The following PHKB variants were observed in gnomAD, a reference collection of about 807,000 sequenced individuals.
The protein encoded by PHKB is phosphorylase kinase regulatory subunit beta, also known as phosphorylase b kinase regulatory subunit beta.
Under a neutral mutation model 152.1 loss-of-function variants are expected in PHKB, and 122 were observed. The observed-to-expected ratio is 0.80, with a 90% CI of 0.69 to 0.93. The LOEUF is 0.93. Among genes scored for constraint, PHKB ranks in the 40% least tolerant of loss-of-function variants. The pLI is 0.00. For missense variants in PHKB, 1,304 were observed against 1,328.4 expected (o/e 0.98, Z 0.29); for synonymous variants, 436 against 464.9 (o/e 0.94, Z 0.80).
At chr16:47,596,752 T>C (rs1972127915) in intron 13 of PHKB, among the ~76,000 whole-genome samples, 1 of 152,056 alleles carries the variant, frequency 6.6e-6, no homozygotes, top group Non-Finnish European at 1.5e-5. Flanking sequence ...TGGGTACCAT[T>C]TGTGATCATT....
Position 47,700,404 on chromosome 16 carries a change from A to T in PHKB, c.*1038A>T, listed in dbSNP as rs1017153949. The stretch of plus-strand genomic sequence containing the variant: ...AATATGTTAAATTTAAGGACTGTTA[A>T]CCTACGTTCTACTAGTAAAAACAAC... On this transcript the variant is annotated 3_prime_UTR_variant, in exon 31 of 31. Coordinates refer to ENST00000323584, the MANE Select transcript of PHKB (RefSeq NM_000293.3). 1.3e-5 allele frequency: 2 copies of T among 151,896 alleles called. No homozygotes were observed. The highest frequency in any genetic ancestry group is 4.8e-5 in the African/African-American group (2 of 41,408). 9.4% of individuals were successfully genotyped at this position (151,896 alleles called of 1,614,324 possible).
intron 26 of PHKB, among the ~76,000 whole-genome samples, chr16:47,673,865 A>G (rs1053858985): frequency 2.6e-5 from 4 of 152,194 alleles, no homozygotes; most frequent in African/African-American, 9.6e-5. Context: ...CCACCATTTT[A>G]CAACAAAGAA....
At chr16:47,685,864 C>G (rs183343911) in intron 26 of PHKB, among the ~76,000 whole-genome samples, 3 of 151,878 alleles carry the variant, frequency 2.0e-5, no homozygotes, top group African/African-American at 7.2e-5. Context: ...GCCTCAGCCT[C>G]CTGAGTAGCT....
chr16:47,549,898 A>AT (rs199688366), intron 7 of PHKB, among the ~76,000 whole-genome samples: 42 of 150,980 alleles, frequency 2.8e-4, no homozygotes, highest in African/African-American at 5.8e-4. Flanking sequence ...TCATTATGTG[A>AT]TTTTTTTTTG....
chr16:47,521,427 G>C (rs987915287), intron 6 of PHKB, among the ~76,000 whole-genome samples: 1 of 152,172 alleles, frequency 6.6e-6, no homozygotes, highest in Non-Finnish European at 1.5e-5. Flanking sequence ...GCCGAGGCAG[G>C]TGGATCACAT....
At chr16:47,554,097 G>A (rs1971322303) in intron 7 of PHKB, among the ~76,000 whole-genome samples, 2 of 152,178 alleles carry the variant, frequency 1.3e-5, no homozygotes, top group African/African-American at 4.8e-5. Context: ...AAGAAGGGAC[G>A]TTTAAGTCTG....
At chr16:47,482,133 A>G (rs991091713) in intron 1 of PHKB, among the ~76,000 whole-genome samples, 11 of 152,224 alleles carry the variant, frequency 7.2e-5, no homozygotes, top group African/African-American at 2.4e-4. Flanking sequence ...CGATTATACT[A>G]TAGGTAGGTC....
At chr16:47,603,504 T>C (rs989318215) in intron 13 of PHKB, among the ~76,000 whole-genome samples, 16 of 131,454 alleles carry the variant, frequency 1.2e-4, no homozygotes, top group African/African-American at 4.7e-4. Context: ...ACTGACTTTC[T>C]TTTTTTTTTT....
intron 1 of PHKB, among the ~76,000 whole-genome samples, chr16:47,482,809 C>T (rs1187717941): frequency 2.0e-5 from 3 of 151,954 alleles, no homozygotes; most frequent in African/African-American, 7.3e-5. Context: ...CAACCTCTGC[C>T]TCCTGGGCTC....
chr16:47,581,557 A>T (rs575260991), intron 8 of PHKB, among the ~76,000 whole-genome samples: 1 of 152,378 alleles, frequency 6.6e-6, no homozygotes, highest in East Asian at 1.9e-4. Flanking sequence ...CTCGTCTAAA[A>T]AAATAAAGAT....
chr16:47,685,206 C>T (rs1004527782), intron 26 of PHKB, among the ~76,000 whole-genome samples: 1 of 152,202 alleles, frequency 6.6e-6, no homozygotes, highest in African/African-American at 2.4e-5. Context: ...GTGGGCGGAT[C>T]ACGAGGTTAG....
intron 4 of PHKB, among the ~76,000 whole-genome samples, chr16:47,506,306 G>T (rs549822478): frequency 6.6e-6 from 1 of 152,078 alleles, no homozygotes; most frequent in East Asian, 1.9e-4. Context: ...CTAGAATATG[G>T]CAACAAGAAA....
intron 1 of PHKB, among the ~76,000 whole-genome samples, chr16:47,475,571 C>T (rs1246410909): frequency 6.6e-6 from 1 of 152,092 alleles, no homozygotes; most frequent in African/African-American, 2.4e-5. Context: ...GTGAGAAACC[C>T]AGATGGAACT....
Position 47,699,766 on chromosome 16 carries a change from A to T in PHKB, c.*400A>T, listed in dbSNP as rs1408320979. The T allele has an allele frequency of 7.9e-6, 2 of 254,604 alleles. No individual in the cohort carries two copies. The highest frequency in any genetic ancestry group is 4.4e-5 in the African/African-American group (2 of 45,178). 15.8% of individuals were successfully genotyped at this position (254,604 alleles called of 1,614,324 possible). On this transcript the variant is annotated 3_prime_UTR_variant, in exon 31 of 31. Transcript: ENST00000323584. ...AGTAATGCATACTGGAAATCAAAAG[A>T]TACTGAAAGAATGGTGAACTTCTCT...
chr16:47,630,205 C>T (rs1400512252), intron 14 of PHKB, among the ~76,000 whole-genome samples: 1 of 152,052 alleles, frequency 6.6e-6, no homozygotes, highest in African/African-American at 2.4e-5. Flanking sequence ...TATATTCTAT[C>T]AAAAAGCAGA....
chr16:47,643,204 G>A (rs904287619), intron 16 of PHKB, among the ~76,000 whole-genome samples: 2 of 152,098 alleles, frequency 1.3e-5, no homozygotes, highest in East Asian at 1.9e-4. Context: ...ACTTGAATGT[G>A]GTATTCATTC....
chr16:47,650,198 G>A (rs941907083), intron 18 of PHKB, among the ~76,000 whole-genome samples: 1 of 152,004 alleles, frequency 6.6e-6, no homozygotes, highest in Admixed American at 6.6e-5. Flanking sequence ...GATCACTTGA[G>A]CCCAGGAGTT....
intron 18 of PHKB, 24 bp downstream of exon 18, chr16:47,649,228 A>G (rs775857503): frequency 2.5e-6 from 3 of 1,197,598 alleles, no homozygotes; most frequent in Admixed American, 3.4e-5. Flanking sequence ...ACCTTTCTTA[A>G]AAATGGAATG....
rs549381063 is a variant in PHKB, at chr16:47,688,931, T to C, written c.2631-110T>C. 3.7e-5 allele frequency: 44 copies of C among 1,176,890 alleles called. No homozygotes were observed. In the East Asian group the frequency reaches 9.1e-4, roughly 24 times the overall value. The allele number at this position is 1,176,890 out of a possible 1,614,324, so 72.9% of individuals were successfully genotyped here. A position where few individuals can be genotyped will look rare whatever the true frequency, so the allele number is the denominator to read the frequency against. ...GGTTCAGGAAACTCAAACGGCCTCT[T>C]CTTCATTCTCCTTTGAATGGGTCAG... is the stretch of plus-strand genomic sequence containing the variant. On this transcript the variant is annotated intron_variant, in intron 26 of 30. Coordinates refer to ENST00000323584, the MANE Select transcript of PHKB (RefSeq NM_000293.3).
Sources: gnomAD v4.1 joint callset for allele counts (sites outside exome capture counted in the v4.1 genomes callset) on GRCh38, gnomAD v4.1.1 for gene constraint, MANE v1.5 for transcripts, NCBI Gene and HGNC (gene_info 2026-07-23, HGNC 2026-07-21) for gene names.